Variants in ZCCHC14 observed in about 807,000 individuals in gnomAD.
The protein encoded by ZCCHC14 is zinc finger CCHC-type containing 14.
Under a neutral mutation model 85.0 loss-of-function variants are expected in ZCCHC14, and 16 were observed. The observed-to-expected ratio is 0.19, with a 90% CI of 0.13 to 0.29. The LOEUF (loss-of-function observed/expected upper bound fraction) is 0.29. Ranked by LOEUF, ZCCHC14 falls within the 10% of genes least tolerant of loss-of-function variation. The probability of loss-of-function intolerance (pLI) is 1.00; values close to 1 mark genes in which losing one functional copy is unlikely to be tolerated. For missense variants in ZCCHC14, 1,303 were observed against 1,443.5 expected (o/e 0.90, Z 1.58); for synonymous variants, 775 against 630.7 (o/e 1.23, Z -3.43).
chr16:87,477,774 C>T (rs1912087441), intron 1 of ZCCHC14, among the ~76,000 whole-genome samples: 1 of 151,984 alleles, frequency 6.6e-6, no homozygotes, highest in Non-Finnish European at 1.5e-5. Context: ...CCACCGCATC[C>T]CCCTGAGCCT....
intron 3 of ZCCHC14, among the ~76,000 whole-genome samples, chr16:87,425,436 C>T (rs1019273433): frequency 2.0e-5 from 3 of 152,026 alleles, no homozygotes; most frequent in Non-Finnish European, 2.9e-5. Flanking sequence ...ATTGGCCGGG[C>T]ATGGTGGCAG....
chr16:87,468,521 G>C (rs1597445431), intron 1 of ZCCHC14, among the ~76,000 whole-genome samples: 1 of 151,658 alleles, frequency 6.6e-6, no homozygotes, highest in African/African-American at 2.4e-5. Flanking sequence ...ACTACAGGAG[G>C]CGCATGCCAC....
At chr16:87,426,836 C>A (rs1039466879) in intron 3 of ZCCHC14, among the ~76,000 whole-genome samples, 3 of 152,226 alleles carry the variant, frequency 2.0e-5, no homozygotes, top group Non-Finnish European at 4.4e-5. Flanking sequence ...AATATTCTTA[C>A]TAAGCTAAGA....
At position 87,413,035 on chromosome 16, in the gene ZCCHC14, C is replaced by T. The variant is rs1289408583; in HGVS notation, c.1744+20G>A. ...CCACAGCTGGGCCAGGTCGAGCCAG[C>T]GCCGCGCACGTGCCCTTACGTCTGT... On this transcript the variant is annotated intron_variant, in intron 11 of 12. Coordinates refer to ENST00000671377, the MANE Select transcript of ZCCHC14 (RefSeq NM_015144.3). The T allele has an allele frequency of 2.4e-5, 39 of 1,613,974 alleles. No individual in the cohort carries two copies. Among genetic ancestry groups the T allele is most frequent in the East Asian group, 4.5e-5 (2 of 44,894 alleles).
At chr16:87,457,263 C>T (rs1911020285) in intron 2 of ZCCHC14, among the ~76,000 whole-genome samples, 2 of 152,228 alleles carry the variant, frequency 1.3e-5, no homozygotes, top group Admixed American at 1.3e-4. Context: ...TACTCATAGG[C>T]ACTGCCCACA....
chr16:87,434,825 A>G (rs895659933), intron 2 of ZCCHC14, among the ~76,000 whole-genome samples: 1 of 152,074 alleles, frequency 6.6e-6, no homozygotes, highest in Non-Finnish European at 1.5e-5. Flanking sequence ...CCCTGTCTCT[A>G]CTGAAAAGAC....
In ZCCHC14 at chr16:87,411,714, C is replaced by A; in HGVS notation, c.3007G>T (p.Gly1003Trp). The A allele has an allele frequency of 6.2e-7, 1 of 1,614,082 alleles. No individual in the cohort carries two copies. The highest frequency in any genetic ancestry group is 8.5e-7 in the Non-Finnish European group (1 of 1,180,032). The change falls in exon 12 of 13, where the codon GGG (glycine) becomes TGG (tryptophan). Residue 1003 changes from glycine (G) to tryptophan (W), a missense_variant. Gly to Trp is a radical substitution (Grantham distance 184). Coordinates refer to ENST00000671377, the MANE Select transcript of ZCCHC14 (RefSeq NM_015144.3). The stretch of plus-strand genomic sequence containing the variant: ...GGTGGCACGGCAAACGTGGACTGCC[C>A]ACTCAGGACAGGGTCTGGGGTCCCG... The part of the protein sequence containing the change: ...SSGTPDPVLS[G>W]QSTFAVPPMQ...
Position 87,417,553 on chromosome 16 carries a change from A to C in ZCCHC14, c.1290T>G (p.Pro430=). The change falls in exon 8 of 13, where the codon CCT becomes CCG. Residue 430 remains proline, a synonymous_variant. Transcript: ENST00000671377. ...AILMPSSLQT[P]QTQEQNGILD... Reference sequence around the variant, plus strand: ...GAATCCCATTCTGCTCCTGGGTCTGAGGGGTCTGCAGACTGGAAGGCATGA... The same window carrying C: ...GAATCCCATTCTGCTCCTGGGTCTGCGGGGTCTGCAGACTGGAAGGCATGA... 1 of 1,614,240 alleles carries C rather than the reference A, an allele frequency of 6.2e-7. No individual in the cohort carries two copies. Among genetic ancestry groups the C allele is most frequent in the Non-Finnish European group, 8.5e-7 (1 of 1,180,046 alleles).
chr16:87,436,529 C>G (rs928083826), intron 2 of ZCCHC14, among the ~76,000 whole-genome samples: 10 of 152,242 alleles, frequency 6.6e-5, no homozygotes, highest in African/African-American at 2.4e-4. Context: ...TCAGCACGCT[C>G]TCAACTCTGC....
At chr16:87,440,658 G>C (rs1173370598) in intron 2 of ZCCHC14, among the ~76,000 whole-genome samples, 1 of 152,092 alleles carries the variant, frequency 6.6e-6, no homozygotes, top group East Asian at 1.9e-4. Flanking sequence ...CCAGGCTGAA[G>C]TGCAGTGGTG....
At chr16:87,463,021 T>C (rs1400751063) in intron 1 of ZCCHC14, among the ~76,000 whole-genome samples, 3 of 152,210 alleles carry the variant, frequency 2.0e-5, no homozygotes, top group South Asian at 2.1e-4. Flanking sequence ...GGAGCCGAGA[T>C]TGCGCCATTG....
At chr16:87,423,044 A>G (rs773876865) in intron 4 of ZCCHC14, among the ~76,000 whole-genome samples, 4 of 152,216 alleles carry the variant, frequency 2.6e-5, no homozygotes, top group Non-Finnish European at 5.9e-5. Context: ...TTTATAATGA[A>G]AAGTAAGGCT....
intron 2 of ZCCHC14, among the ~76,000 whole-genome samples, chr16:87,438,259 A>T: frequency 6.6e-6 from 1 of 152,220 alleles, no homozygotes; most frequent in East Asian, 1.9e-4. Context: ...CGGGGGCTGG[A>T]CTCTGTGTGT....
At chr16:87,483,804 C>T (rs532528937) in intron 1 of ZCCHC14, among the ~76,000 whole-genome samples, 1 of 152,332 alleles carries the variant, frequency 6.6e-6, no homozygotes, top group Admixed American at 6.5e-5. Flanking sequence ...TGACCCAACT[C>T]CACTTCCAGA....
At position 87,423,860 on chromosome 16, in the gene ZCCHC14, T is replaced by C. The variant is rs751103415; in HGVS notation, c.790A>G (p.Ile264Val). Residue 264 changes from isoleucine to valine, a missense_variant, in exon 4 of 13, where the codon ATA (isoleucine) becomes GTA (valine). This residue lies in a region of ZCCHC14 where 389 missense variants were observed against 397.8 expected (regional missense o/e 0.98). Coordinates refer to ENST00000671377, the MANE Select transcript of ZCCHC14 (RefSeq NM_015144.3). ...GAGGAAGATTTGGTTACTGATGTTA[T>C]TGAAGAATCAGACCACAAGACCTTA... ...SFEVLWSDSSITSVTKSSSEV... is the reference protein window; with the variant it reads ...SFEVLWSDSSVTSVTKSSSEV... The C allele has an allele frequency of 5.0e-6, 8 of 1,614,060 alleles. No individual in the cohort carries two copies. The highest frequency in any genetic ancestry group is 5.9e-6 in the Non-Finnish European group (7 of 1,180,016).
chr16:87,448,871 C>A (rs1910560615), intron 2 of ZCCHC14, among the ~76,000 whole-genome samples: 1 of 152,196 alleles, frequency 6.6e-6, no homozygotes, highest in African/African-American at 2.4e-5. Flanking sequence ...CACTGAAACC[C>A]ATGCTGCAGC....
chr16:87,487,626 G>A (rs1307731483), intron 1 of ZCCHC14, among the ~76,000 whole-genome samples: 3 of 152,270 alleles, frequency 2.0e-5, no homozygotes, highest in Non-Finnish European at 2.9e-5. Context: ...TGCGCCAGCG[G>A]TCCACAGAGG....
rs1372014089 is a variant in ZCCHC14 at position 87,408,229 on chromosome 16, A to G, written c.*2051T>C. ...TACTGACCACTAAAACAAAAATTCC[A>G]ATGTTTTTTCCTTTTGTTATGAGAC... On this transcript the variant is annotated 3_prime_UTR_variant, in exon 13 of 13. Coordinates refer to ENST00000671377, the MANE Select transcript of ZCCHC14 (RefSeq NM_015144.3). The G allele has an allele frequency of 3.3e-5, 5 of 152,604 alleles. No individual in the cohort carries two copies. Among genetic ancestry groups the G allele is most frequent in the East Asian group, 1.9e-4 (1 of 5,198 alleles). The allele number at this position is 152,604 out of a possible 1,614,324, so 9.5% of individuals were successfully genotyped here. A position where few individuals can be genotyped will look rare whatever the true frequency, so the allele number is the denominator to read the frequency against.
chr16:87,485,606 AAG>A, intron 1 of ZCCHC14, among the ~76,000 whole-genome samples: 3 of 150,112 alleles, frequency 2.0e-5, no homozygotes, highest in African/African-American at 5.0e-5. Flanking sequence ...AAAAAAAAAA[AAG>A]AAGAAGAATC....
Sources: gnomAD v4.1 joint callset for allele counts (sites outside exome capture counted in the v4.1 genomes callset) on GRCh38, gnomAD v4.1.1 for gene constraint, gnomAD v4.1.1 regional missense constraint, MANE v1.5 for transcripts, NCBI Gene and HGNC (gene_info 2026-07-23, HGNC 2026-07-21) for gene names.